The following CCNL1 variants were observed in gnomAD, a reference collection of about 807,000 sequenced individuals.
The protein encoded by CCNL1 is cyclin-L1.
A neutral mutation model predicts 60.6 loss-of-function variants in CCNL1; 13 were observed. That is an observed-to-expected ratio of 0.21 (90% CI 0.14 to 0.34). The LOEUF (loss-of-function observed/expected upper bound fraction) is 0.34. CCNL1 is among the 10% of genes least tolerant of loss of function. The probability of loss-of-function intolerance (pLI) is 1.00; values close to 1 mark genes in which losing one functional copy is unlikely to be tolerated. For synonymous variants in CCNL1, 270 were observed against 244.3 expected, an observed-to-expected ratio of 1.10 and a Z score of -0.98; for missense variants, 481 against 664.3, an observed-to-expected ratio of 0.72 and a Z score of 3.03.
At chr3:157,156,960 C>CT (rs1738673699) in intron 3 of CCNL1, 1 of 1,289,674 alleles carries the variant, frequency 7.8e-7, no homozygotes, top group Non-Finnish European at 1.0e-6. Context: ...TTCCAGTGAC[C>CT]TATTCTCAGA....
chr3:157,146,834 A>G (rs1308801414), downstream of CCNL1, among the ~76,000 whole-genome samples: 1 of 152,208 alleles, frequency 6.6e-6, no homozygotes, highest in East Asian at 1.9e-4. Flanking sequence ...CCCTCTTTCA[A>G]GCATGAAGTG....
At chr3:157,156,842 A>T in intron 3 of CCNL1, 7 of 1,069,742 alleles carry the variant, frequency 6.5e-6, no homozygotes, top group Non-Finnish European at 7.3e-6. Context: ...TGCAAAAATA[A>T]ATACAAAGCT....
chr3:157,151,912 C>T, intron 5 of CCNL1: 1 of 1,270,588 alleles, frequency 7.9e-7, no homozygotes, highest in Non-Finnish European at 1.0e-6. Context: ...AGTTCTATGA[C>T]TTACCATCAT....
Position 157,150,398 on chromosome 3 carries a change from C to T in CCNL1, c.675-17G>A. 4.3e-6 allele frequency: 7 copies of T among 1,610,866 alleles called. No individual in the cohort carries two copies. The highest frequency in any genetic ancestry group is 5.9e-6 in the Non-Finnish European group (7 of 1,177,952). On this transcript the variant is annotated splice_polypyrimidine_tract_variant and intron_variant, in intron 5 of 10. Transcript: ENST00000295926. ...ATGTAATTCCTGAAAAATATTTCAACTATAAGCTTGCATGTAAACAAACCA... is the reference window on the plus strand; with the variant it reads ...ATGTAATTCCTGAAAAATATTTCAATTATAAGCTTGCATGTAAACAAACCA...
intron 3 of CCNL1, among the ~76,000 whole-genome samples, chr3:157,155,933 T>G (rs1281636583): frequency 6.6e-6 from 1 of 152,242 alleles, no homozygotes; most frequent in Non-Finnish European, 1.5e-5. Context: ...AAGTTTCTAT[T>G]GTCCAATTTT....
At chr3:157,146,127 G>A (rs1441244283), downstream of CCNL1, among the ~76,000 whole-genome samples, 1 of 152,188 alleles carries the variant, frequency 6.6e-6, no homozygotes, top group African/African-American at 2.4e-5. Context: ...GGGAGGTGGA[G>A]TGGTGAACTG....
chr3:157,152,512 C>T lies in CCNL1; in HGVS notation c.610-271G>A, dbSNP rs1033185573. 4.0e-5 allele frequency: 45 copies of T among 1,128,370 alleles called. No homozygotes were observed. The African/African-American group carries it at 6.5e-4, about 16-fold the overall frequency. 69.9% of individuals were successfully genotyped at this position (1,128,370 alleles called of 1,614,324 possible). A position where few individuals can be genotyped will look rare whatever the true frequency, so the allele number is the denominator to read the frequency against. ...TGGCACTTTACTATGTGATGGGCAC[C>T]GTGCTAGATTATTTCACCTAATTTC... is the stretch of plus-strand genomic sequence containing the variant. On this transcript the variant is annotated intron_variant, in intron 4 of 10. Coordinates refer to ENST00000295926, the MANE Select transcript of CCNL1 (RefSeq NM_020307.4).
chr3:157,155,105 T>C (rs977917080), intron 3 of CCNL1, among the ~76,000 whole-genome samples: 1 of 152,166 alleles, frequency 6.6e-6, no homozygotes, highest in African/African-American at 2.4e-5. Context: ...TTAACTGTCA[T>C]TAAGAGATAA....
downstream of CCNL1, among the ~76,000 whole-genome samples, chr3:157,145,254 G>T (rs1737744463): frequency 6.6e-6 from 1 of 151,830 alleles, no homozygotes; most frequent in South Asian, 2.1e-4. Context: ...GCTAACATAG[G>T]TGAAACCCCG....
chr3:157,154,433 T>TA (rs990569117), intron 3 of CCNL1: 3 of 152,190 alleles, frequency 2.0e-5, no homozygotes. Flanking sequence ...CCAAAAGACT[T>TA]AAGAGTCTTT....
chr3:157,149,791 C>A (rs1292475101), intron 8 of CCNL1, 45 bp downstream of exon 8: 1 of 1,589,378 alleles, frequency 6.3e-7, no homozygotes, highest in Admixed American at 1.9e-5. Context: ...AATAAAGACA[C>A]ACTTTCAGTG....
chr3:157,155,763 C>G (rs747128622), intron 3 of CCNL1, among the ~76,000 whole-genome samples: 1 of 152,118 alleles, frequency 6.6e-6, no homozygotes, highest in Non-Finnish European at 1.5e-5. Flanking sequence ...TTAAGGCCTG[C>G]TAGAATTTCT....
At chr3:157,156,806 T>C (rs1358016831) in intron 3 of CCNL1, 10 of 629,090 alleles carry the variant, frequency 1.6e-5, no homozygotes, top group Non-Finnish European at 2.3e-5. Flanking sequence ...ATAATACTGA[T>C]AGTACTTTCT....
chr3:157,157,745 G>C (rs141966027), intron 3 of CCNL1, among the ~76,000 whole-genome samples: 64 of 152,304 alleles, frequency 4.2e-4, no homozygotes, highest in Middle Eastern at 3.4e-3. Context: ...AACTGTTGCA[G>C]ACTTTTTGAC....
chr3:157,144,016 C>T (rs919871041), downstream of CCNL1, among the ~76,000 whole-genome samples: 5 of 152,048 alleles, frequency 3.3e-5, no homozygotes, highest in Non-Finnish European at 5.9e-5. Flanking sequence ...ACTACACCTA[C>T]CAGAAAAGTG....
At chr3:157,153,669 C>T (rs753276690) in intron 3 of CCNL1, 19 of 152,700 alleles carry the variant, frequency 1.2e-4, no homozygotes, top group Non-Finnish European at 2.5e-4. Context: ...AACTAAAGTG[C>T]TCCTAAGATT....
At chr3:157,155,275 TTAAGA>T (rs1217256456) in intron 3 of CCNL1, among the ~76,000 whole-genome samples, 1 of 152,186 alleles carries the variant, frequency 6.6e-6, no homozygotes, top group Non-Finnish European at 1.5e-5. Context: ...TCTATACCTC[TTAAGA>T]TAACCTGCTT....
chr3:157,158,087 A>G (rs1414024878), intron 3 of CCNL1, among the ~76,000 whole-genome samples: 2 of 152,246 alleles, frequency 1.3e-5, no homozygotes, highest in Non-Finnish European at 2.9e-5. Context: ...AGATGCAGGA[A>G]GTCCTGCAAC....
At chr3:157,148,785 T>C (rs1737939629) in intron 10 of CCNL1, among the ~76,000 whole-genome samples, 196 bp from the exon 11 acceptor site, 1 of 152,214 alleles carries the variant, frequency 6.6e-6, no homozygotes, top group Non-Finnish European at 1.5e-5. Context: ...CAAATGTTCT[T>C]ATGTCTTTAT....
Sources: allele counts gnomAD v4.1 joint callset (sites outside exome capture counted in the v4.1 genomes callset), GRCh38; gene constraint gnomAD v4.1.1; transcripts MANE v1.5; gene names NCBI Gene and HGNC (gene_info 2026-07-23, HGNC 2026-07-21).